BFSP2: variants seen among roughly 807,000 people sequenced by gnomAD.
The protein encoded by BFSP2 is phakinin.
Under a neutral mutation model 44.9 loss-of-function variants are expected in BFSP2, and 38 were observed. The ratio of observed to expected loss-of-function variants is 0.85; its 90% CI spans 0.65 to 1.11. BFSP2 has a LOEUF of 1.11. Ranked by LOEUF, BFSP2 falls within the 50% of genes least tolerant of loss-of-function variation. The pLI, the probability that BFSP2 is intolerant of heterozygous loss-of-function variation, is 0.00. For missense variants in BFSP2, 525 were observed against 533.0 expected, an observed-to-expected ratio of 0.99 and a Z score of 0.15; for synonymous variants, 197 against 209.9, an observed-to-expected ratio of 0.94 and a Z score of 0.53.
At chr3:133,448,714 A>G (rs1156525332) in intron 3 of BFSP2, 69 bp downstream of exon 3, 1 of 1,574,632 alleles carries the variant, frequency 6.4e-7, no homozygotes, top group Non-Finnish European at 8.7e-7. Context: ...CCTGTGCTTC[A>G]TAACAAGGCC....
rs59331608 is a variant in BFSP2, at chr3:133,466,677, C to CA, written c.892-131dup. The CA allele has an allele frequency of 1.0e-2, 2,573 of 258,510 alleles. 21 individuals are homozygous for CA. Among genetic ancestry groups the CA allele is most frequent in the African/African-American group, 0.021 (447 of 21,334 alleles). The allele number at this position is 258,510 out of a possible 1,614,324, so 16.0% of individuals were successfully genotyped here. On this transcript the variant is annotated intron_variant, in intron 4 of 6. Transcript: ENST00000302334. ...GCTACAGAGCGAGACTTCATCTCAA[C>CA]AAAAAAAAAAAAAAAAAAAAGATGT...
At chr3:133,408,108 T>C (rs1374570929) in intron 1 of BFSP2, among the ~76,000 whole-genome samples, 1 of 150,844 alleles carries the variant, frequency 6.6e-6, no homozygotes, top group African/African-American at 2.4e-5. Context: ...GAAAAAAAAA[T>C]GCAATGTAGG....
intron 6 of BFSP2, among the ~76,000 whole-genome samples, chr3:133,473,412 C>G (rs1040607188): frequency 8.1e-6 from 1 of 122,970 alleles, no homozygotes; most frequent in Non-Finnish European, 1.6e-5. Context: ...CATTCCTGGC[C>G]GGAAGTGGGA....
intron 1 of BFSP2, among the ~76,000 whole-genome samples, chr3:133,446,645 A>T (rs2073903946): frequency 3.2e-5 from 3 of 93,996 alleles, no homozygotes; most frequent in African/African-American, 4.4e-5. Flanking sequence ...TATATAAAGG[A>T]GTTTCTTGGG....
At chr3:133,437,650 A>G (rs1364393818) in intron 1 of BFSP2, among the ~76,000 whole-genome samples, 1 of 152,024 alleles carries the variant, frequency 6.6e-6, no homozygotes, top group African/African-American at 2.4e-5. Flanking sequence ...GAGAGAGAGA[A>G]AGGAAGAAAG....
chr3:133,406,560 GCCATCTACCAA>G (rs146245804), intron 1 of BFSP2, among the ~76,000 whole-genome samples: 2,607 of 152,280 alleles, frequency 0.017, 64 homozygotes, highest in African/African-American at 0.056. Context: ...CTTGCCGCTT[GCCATCTACCAA>G]CCGTGTGATC....
chr3:133,457,774 C>A (rs1044179034), intron 4 of BFSP2, among the ~76,000 whole-genome samples: 3 of 152,170 alleles, frequency 2.0e-5, no homozygotes, highest in African/African-American at 7.2e-5. Context: ...TCAATAGTTG[C>A]AACAGAGACC....
intron 1 of BFSP2, among the ~76,000 whole-genome samples, chr3:133,428,140 G>A (rs1025807081): frequency 1.3e-5 from 2 of 152,166 alleles, no homozygotes; most frequent in South Asian, 2.1e-4. Context: ...GGTTTTCCAG[G>A]AGGAAAAGCA....
chr3:133,402,081 G>A (rs1426909753), intron 1 of BFSP2, among the ~76,000 whole-genome samples: 1 of 152,130 alleles, frequency 6.6e-6, no homozygotes, highest in African/African-American at 2.4e-5. Flanking sequence ...CTTCACAACT[G>A]TCCTTATTCC....
chr3:133,403,738 C>T (rs1238429142), intron 1 of BFSP2, among the ~76,000 whole-genome samples: 2 of 152,156 alleles, frequency 1.3e-5, no homozygotes, highest in East Asian at 3.9e-4. Context: ...GCCATCACCA[C>T]CCCAGCTAGC....
chr3:133,438,707 A>G (rs1224879224), intron 1 of BFSP2, among the ~76,000 whole-genome samples: 1 of 152,234 alleles, frequency 6.6e-6, no homozygotes, highest in Non-Finnish European at 1.5e-5. Flanking sequence ...AAATTAAAAT[A>G]GAAGAACTAC....
intron 4 of BFSP2, among the ~76,000 whole-genome samples, chr3:133,460,724 C>G (rs866011073): frequency 1.3e-5 from 2 of 152,112 alleles, no homozygotes; most frequent in African/African-American, 4.8e-5. Context: ...ATAGGGAACC[C>G]CTGTATTCCC....
intron 1 of BFSP2, among the ~76,000 whole-genome samples, chr3:133,434,671 C>T (rs1236173663): frequency 2.6e-5 from 4 of 152,234 alleles, no homozygotes; most frequent in South Asian, 2.1e-4. Context: ...TATTCCACCA[C>T]AAAACAAGTG....
chr3:133,466,840 G>T lies in BFSP2; in HGVS notation c.904G>T (p.Val302Leu), dbSNP rs1448856188. Residue 302 changes from valine (V) to leucine (L), a missense_variant, in exon 5 of 7, where the codon GTG becomes TTG. By Grantham distance (32) the Val-to-Leu change is conservative (BLOSUM62 1). Transcript: ENST00000302334. ...TGACTCTCCACAGCAACAGGCGGAG[G>T]TGGCCCACATGTCCCAGACCCAGGA... ...ALLQAKQQAEVAHMSQTQEEK... is the reference protein window; with the variant it reads ...ALLQAKQQAELAHMSQTQEEK... 1.2e-6 allele frequency: 2 copies of T among 1,613,820 alleles called. No homozygotes were observed. The highest frequency in any genetic ancestry group is 1.7e-6 in the Non-Finnish European group (2 of 1,180,000).
At chr3:133,466,803 C>T (rs1179150101) in intron 4 of BFSP2, 25 bp from the exon 5 acceptor site, 23 of 1,597,930 alleles carry the variant, frequency 1.4e-5, no homozygotes, top group Non-Finnish European at 1.9e-5. Flanking sequence ...CATCACCGCT[C>T]ACACTGAGAC....
intron 1 of BFSP2, among the ~76,000 whole-genome samples, chr3:133,431,161 T>G (rs1056177340): frequency 1.2e-4 from 19 of 152,150 alleles, no homozygotes; most frequent in Non-Finnish European, 2.1e-4. Context: ...AATATACATT[T>G]TATTACCCAA....
intron 1 of BFSP2, among the ~76,000 whole-genome samples, chr3:133,440,255 C>G (rs989132952): frequency 1.3e-5 from 2 of 152,030 alleles, no homozygotes; most frequent in Admixed American, 1.3e-4. Context: ...TATCTCCCAC[C>G]AGGTCCCTCC....
chr3:133,432,937 G>A (rs924133144), intron 1 of BFSP2, among the ~76,000 whole-genome samples: 10 of 152,180 alleles, frequency 6.6e-5, no homozygotes, highest in Admixed American at 5.9e-4. Flanking sequence ...GCGTGCAGCG[G>A]CTGCCGCTGC....
In BFSP2 at chr3:133,447,221, T is replaced by A. The variant is rs542037387; in HGVS notation, c.490-96T>A. The A allele has an allele frequency of 9.3e-5, 117 of 1,254,148 alleles. No homozygotes were observed. In the African/African-American group the frequency reaches 1.6e-3, roughly 17 times the overall value. 77.7% of individuals were successfully genotyped at this position (1,254,148 alleles called of 1,614,324 possible). A position where few individuals can be genotyped will look rare whatever the true frequency, so the allele number is the denominator to read the frequency against. On this transcript the variant is annotated intron_variant, in intron 1 of 6. Transcript: ENST00000302334. ...TTGCTGTAAGAAAGGTTCTCTGAGG[T>A]CCCCCAGAGCCTCTGTGCCTAACAC...
Sources: allele counts gnomAD v4.1 joint callset (sites outside exome capture counted in the v4.1 genomes callset), GRCh38; gene constraint gnomAD v4.1.1; transcripts MANE v1.5; gene names NCBI Gene and HGNC (gene_info 2026-07-23, HGNC 2026-07-21).